Variants in GABRB1 observed in about 807,000 individuals in gnomAD.
GABRB1 encodes gamma-aminobutyric acid type A receptor subunit beta1, also known as gamma-aminobutyric acid receptor subunit beta-1.
A neutral mutation model predicts 51.6 loss-of-function variants in GABRB1; 17 were observed. The ratio of observed to expected loss-of-function variants is 0.33; its 90% confidence interval spans 0.23 to 0.49. GABRB1 has a LOEUF of 0.49. Among genes scored for constraint, GABRB1 ranks in the 20% least tolerant of loss-of-function variants. GABRB1 has a pLI of 0.99. For synonymous variants in GABRB1, 247 were observed against 218.9 expected (o/e 1.13, Z -1.14); for missense variants, 410 against 600.6 (o/e 0.68, Z 3.32).
intron 4 of GABRB1, among the ~76,000 whole-genome samples, chr4:47,177,990 T>A (rs1431383273): frequency 6.6e-6 from 1 of 152,042 alleles, no homozygotes; most frequent in Non-Finnish European, 1.5e-5. Flanking sequence ...AGGATGTATA[T>A]TATAACTCCA....
chr4:47,370,623 G>A (rs1407848684), intron 5 of GABRB1, among the ~76,000 whole-genome samples: 1 of 152,184 alleles, frequency 6.6e-6, no homozygotes, highest in African/African-American at 2.4e-5. Flanking sequence ...CTGGCCTTAG[G>A]GTTTCTGTGT....
chr4:47,355,078 C>G (rs1197390957), intron 5 of GABRB1, among the ~76,000 whole-genome samples: 1 of 149,662 alleles, frequency 6.7e-6, no homozygotes, highest in Non-Finnish European at 1.5e-5. Context: ...CTCCGCCTCC[C>G]GGGTTCAAGT....
At chr4:47,347,136 G>T (rs933488451) in intron 5 of GABRB1, among the ~76,000 whole-genome samples, 6 of 151,928 alleles carry the variant, frequency 3.9e-5, no homozygotes, top group African/African-American at 1.5e-4. Flanking sequence ...AAAAAAATTA[G>T]CCAGGTGTGG....
chr4:47,294,149 C>A (rs949054980), intron 4 of GABRB1, among the ~76,000 whole-genome samples: 1 of 152,144 alleles, frequency 6.6e-6, no homozygotes, highest in African/African-American at 2.4e-5. Flanking sequence ...ATAGGAACAG[C>A]TCCGTTCTAC....
chr4:47,417,826 G>A (rs572587812), intron 8 of GABRB1, among the ~76,000 whole-genome samples: 16 of 152,292 alleles, frequency 1.1e-4, no homozygotes, highest in South Asian at 8.3e-4. Flanking sequence ...TTCCTCGACA[G>A]GGCTTTAAAA....
At chr4:47,036,812 A>G (rs1725590923) in intron 3 of GABRB1, among the ~76,000 whole-genome samples, 1 of 152,092 alleles carries the variant, frequency 6.6e-6, no homozygotes, top group Non-Finnish European at 1.5e-5. Context: ...GCGGTGAGCC[A>G]AGATCGTGCC....
intron 4 of GABRB1, among the ~76,000 whole-genome samples, chr4:47,262,275 A>C (rs1479838733): frequency 6.6e-6 from 1 of 152,182 alleles, no homozygotes; most frequent in East Asian, 1.9e-4. Context: ...AATGGGAGAA[A>C]ATTTTCGCAA....
chr4:47,054,323 T>C (rs1182945582), intron 3 of GABRB1, among the ~76,000 whole-genome samples: 1 of 152,164 alleles, frequency 6.6e-6, no homozygotes, highest in East Asian at 1.9e-4. Context: ...TCAACCACAG[T>C]CTGAAGGTCG....
At position 47,045,448 on chromosome 4, in the gene GABRB1, CAT is replaced by C. The variant is rs1726039535; in HGVS notation, c.240+12965_240+12966del. Among the ~76,000 whole-genome samples the C allele has an allele frequency of 5.5e-4, 3 of 5,410 alleles. No homozygotes were observed. The Admixed American group carries it at 7.8e-3, about 14-fold the overall frequency. The allele number at this position is 5,410 out of a possible 152,430, so 3.5% of individuals were successfully genotyped here. ...AAAGCATAGTATTCTCCTTTATCAT[CAT>C]CATCATCATCATCATCATCATCATC... On this transcript the variant is annotated intron_variant, in intron 3 of 8. Transcript: ENST00000295454.
At chr4:47,046,839 C>T (rs1726111852) in intron 3 of GABRB1, among the ~76,000 whole-genome samples, 2 of 152,036 alleles carry the variant, frequency 1.3e-5, no homozygotes, top group African/African-American at 2.4e-5. Flanking sequence ...CATGTCCTTT[C>T]AAGGATATGG....
chr4:47,137,139 C>T (rs891340215), intron 3 of GABRB1, among the ~76,000 whole-genome samples: 2 of 152,052 alleles, frequency 1.3e-5, no homozygotes, highest in African/African-American at 4.8e-5. Context: ...GATAAATCAT[C>T]CCTAACTGGC....
intron 3 of GABRB1, among the ~76,000 whole-genome samples, chr4:47,050,072 A>G (rs1336968793): frequency 1.3e-5 from 2 of 152,186 alleles, no homozygotes; most frequent in African/African-American, 4.8e-5. Context: ...TTAACTATCT[A>G]TGTGCTATCA....
chr4:47,382,966 A>G (rs918905115), intron 5 of GABRB1, among the ~76,000 whole-genome samples: 4 of 152,230 alleles, frequency 2.6e-5, no homozygotes, highest in Non-Finnish European at 5.9e-5. Flanking sequence ...TTTAAAACAC[A>G]GACATTAATG....
rs1361087277 is a variant in GABRB1, at chr4:47,207,673, T to G, written c.461+46204T>G. 3.0e-5 allele frequency among the ~76,000 whole-genome samples: 3 copies of G among 98,982 alleles called. No homozygotes were observed. In the Admixed American group the frequency reaches 3.4e-4, roughly 11 times the overall value. The allele number at this position is 98,982 out of a possible 152,430, so 64.9% of individuals were successfully genotyped here. On this transcript the variant is annotated intron_variant, in intron 4 of 8. Transcript: ENST00000295454. ...TGTGCAGTGTTTTTACAGATTATTA[T>G]GAAAGGAGTCACAGGAGCCATATTC...
intron 3 of GABRB1, among the ~76,000 whole-genome samples, chr4:47,060,139 C>T (rs1387400320): frequency 6.6e-6 from 1 of 152,150 alleles, no homozygotes; most frequent in Non-Finnish European, 1.5e-5. Context: ...CTTTATAATT[C>T]ATGAATTTTA....
In GABRB1 at chr4:47,217,512, T is replaced by C. The variant is rs548547308; in HGVS notation, c.461+56043T>C. On this transcript the variant is annotated intron_variant, in intron 4 of 8. Transcript: ENST00000295454. ...GTATCTACCTGTTCATGCTTGTCTC[T>C]AGTATACACCCAGAAACACAATTTA... 4.6e-4 allele frequency among the ~76,000 whole-genome samples: 70 copies of C among 151,846 alleles called. 1 individual carries two copies. The highest frequency in any genetic ancestry group is 1.7e-3 in the African/African-American group (69 of 41,500).
intron 1 of GABRB1, among the ~76,000 whole-genome samples, chr4:47,007,562 ATTC>A (rs1420184631): frequency 6.6e-6 from 1 of 152,206 alleles, no homozygotes; most frequent in Non-Finnish European, 1.5e-5. Context: ...GAGTATATAT[ATTC>A]TTTTCAAATG....
chr4:47,125,978 A>C (rs1716118659), intron 3 of GABRB1, among the ~76,000 whole-genome samples: 1 of 150,672 alleles, frequency 6.6e-6, no homozygotes, highest in Non-Finnish European at 1.5e-5. Flanking sequence ...TGGATTGTGC[A>C]TATATTGCCT....
chr4:47,090,250 T>A (rs912295907), intron 3 of GABRB1, among the ~76,000 whole-genome samples: 1 of 152,200 alleles, frequency 6.6e-6, no homozygotes, highest in Admixed American at 6.5e-5. Context: ...AAATAGAAAA[T>A]GTCTAATGCA....
Sources: gnomAD v4.1 joint callset for allele counts (sites outside exome capture counted in the v4.1 genomes callset) on GRCh38, gnomAD v4.1.1 for gene constraint, MANE v1.5 for transcripts, NCBI Gene and HGNC (gene_info 2026-07-23, HGNC 2026-07-21) for gene names.